The following SPMIP7 variants were observed in gnomAD, a reference collection of about 807,000 sequenced individuals.
SPMIP7 encodes the protein sperm microtubule inner protein 7, also known as protein SPMIP7.
the SPMIP7 span, among the ~76,000 whole-genome samples, chr7:50,124,612 A>G: frequency 6.6e-6 from 1 of 152,196 alleles, no homozygotes; most frequent in Non-Finnish European, 1.5e-5. Flanking sequence ...TTAAAATTAA[A>G]CACACTTCTA....
At chr7:50,123,598 T>TAAAA in the SPMIP7 span, among the ~76,000 whole-genome samples, 1 of 144,794 alleles carries the variant, frequency 6.9e-6, no homozygotes, top group East Asian at 2.2e-4. Context: ...AATAAATAAA[T>TAAAA]AAAAAGCTTG....
At chr7:50,112,594 C>T in the SPMIP7 span, among the ~76,000 whole-genome samples, 1 of 152,134 alleles carries the variant, frequency 6.6e-6, no homozygotes, top group Non-Finnish European at 1.5e-5. Context: ...TACTTTTCTG[C>T]TTTAGCCAAA....
the SPMIP7 span, among the ~76,000 whole-genome samples, chr7:50,103,212 G>T: frequency 6.6e-6 from 1 of 151,724 alleles, no homozygotes; most frequent in South Asian, 2.1e-4. Flanking sequence ...TGTCCATCCT[G>T]ATCTCAAATT....
the SPMIP7 span, among the ~76,000 whole-genome samples, chr7:50,148,766 C>A: frequency 3.9e-5 from 6 of 152,332 alleles, no homozygotes; most frequent in African/African-American, 1.4e-4. Flanking sequence ...AAAACAGAGG[C>A]TCCTGAACTT....
chr7:50,138,798 A>G, the SPMIP7 span, among the ~76,000 whole-genome samples: 1 of 151,966 alleles, frequency 6.6e-6, no homozygotes, highest in Admixed American at 6.6e-5. Flanking sequence ...AGAAAAAGGA[A>G]TGAAATGGAA....
chr7:50,141,102 A>G, the SPMIP7 span, among the ~76,000 whole-genome samples: 3 of 152,244 alleles, frequency 2.0e-5, no homozygotes, highest in Non-Finnish European at 4.4e-5. Context: ...GAAGAAGAGA[A>G]AATTATCTTT....
chr7:50,120,254 T>G, the SPMIP7 span: 1 of 152,236 alleles, frequency 6.6e-6, no homozygotes, highest in Non-Finnish European at 1.5e-5. Flanking sequence ...GAAAAGTTTC[T>G]AACGAGGTTC....
At chr7:50,157,192 T>C in the SPMIP7 span, among the ~76,000 whole-genome samples, 3 of 152,196 alleles carry the variant, frequency 2.0e-5, no homozygotes, top group Non-Finnish European at 4.4e-5. Context: ...AAGGGGTCCA[T>C]GGCCATATAC....
At chr7:50,126,003 A>AAC in the SPMIP7 span, among the ~76,000 whole-genome samples, 1 of 152,138 alleles carries the variant, frequency 6.6e-6, no homozygotes, top group African/African-American at 2.4e-5. Context: ...CACAAATGAT[A>AAC]ACAATGGGTG....
the SPMIP7 span, among the ~76,000 whole-genome samples, chr7:50,125,299 C>CAT: frequency 2.3e-5 from 1 of 44,298 alleles, no homozygotes; most frequent in Non-Finnish European, 4.9e-5. Context: ...TATATATACA[C>CAT]ATATATATAC....
chr7:50,154,238 C>T, the SPMIP7 span, among the ~76,000 whole-genome samples: 1 of 152,148 alleles, frequency 6.6e-6, no homozygotes, highest in East Asian at 1.9e-4. Flanking sequence ...TCCCCTTCCC[C>T]CTGTGGTCAG....
At chr7:50,129,116 A>C in the SPMIP7 span, among the ~76,000 whole-genome samples, 1 of 152,048 alleles carries the variant, frequency 6.6e-6, no homozygotes, top group African/African-American at 2.4e-5. Context: ...GAATTAAAAC[A>C]TAGAACTAGA....
the SPMIP7 span, among the ~76,000 whole-genome samples, chr7:50,131,486 G>T: frequency 6.6e-6 from 1 of 152,188 alleles, no homozygotes; most frequent in Non-Finnish European, 1.5e-5. Context: ...ATCAACCGGG[G>T]TGTCATGGCT....
At chr7:50,098,076 C>T in the SPMIP7 span, among the ~76,000 whole-genome samples, 1 of 152,150 alleles carries the variant, frequency 6.6e-6, no homozygotes, top group Non-Finnish European at 1.5e-5. Context: ...CAGGATGTAA[C>T]AAACCTAAAT....
the SPMIP7 span, among the ~76,000 whole-genome samples, chr7:50,105,381 A>G: frequency 6.6e-6 from 1 of 152,220 alleles, no homozygotes; most frequent in Non-Finnish European, 1.5e-5. Context: ...CATTGTAAAG[A>G]ATCAATTTTC....
the SPMIP7 span, among the ~76,000 whole-genome samples, chr7:50,110,996 A>G: frequency 1.4e-5 from 2 of 143,744 alleles, no homozygotes; most frequent in African/African-American, 2.5e-5. Flanking sequence ...TAATAAATAT[A>G]TATGTAATAT....
At chr7:50,101,832 AC>A in the SPMIP7 span, among the ~76,000 whole-genome samples, 1 of 152,156 alleles carries the variant, frequency 6.6e-6, no homozygotes, top group Non-Finnish European at 1.5e-5. Flanking sequence ...AACTGAAATG[AC>A]CATGGGATTC....
At chr7:50,134,760 T>C in the SPMIP7 span, among the ~76,000 whole-genome samples, 3 of 152,356 alleles carry the variant, frequency 2.0e-5, no homozygotes, top group African/African-American at 7.2e-5. Context: ...TCATTCTTTT[T>C]ATTTCCGAGT....
the SPMIP7 span, among the ~76,000 whole-genome samples, chr7:50,112,255 A>G: frequency 6.6e-6 from 1 of 152,158 alleles, no homozygotes; most frequent in South Asian, 2.1e-4. Flanking sequence ...AAGATAAACA[A>G]AGAAGAAACA....
Sources: allele counts gnomAD v4.1 joint callset (sites outside exome capture counted in the v4.1 genomes callset), GRCh38; gene constraint gnomAD v4.1.1; transcripts MANE v1.5; gene names NCBI Gene and HGNC (gene_info 2026-07-23, HGNC 2026-07-21).